Variants in ST8SIA1 observed in about 807,000 individuals in gnomAD.
ST8SIA1 encodes alpha-N-acetylneuraminide alpha-2,8-sialyltransferase.
ST8SIA1 carries 16 observed loss-of-function variants against 35.9 expected under a neutral mutation model. The ratio of observed to expected loss-of-function variants is 0.45; its 90% CI spans 0.30 to 0.68. The LOEUF is 0.68. Among genes scored for constraint, ST8SIA1 ranks in the 30% least tolerant of loss-of-function variants. The pLI is 0.09. For missense variants in ST8SIA1, 383 were observed against 453.6 expected (o/e 0.84, Z 1.41); for synonymous variants, 170 against 169.6 (o/e 1.00, Z -0.02).
At chr12:22,325,220 G>A in intron 1 of ST8SIA1, 3 of 530,940 alleles carry the variant, frequency 5.7e-6, no homozygotes, top group Non-Finnish European at 1.0e-5. Context: ...TACTATATAT[G>A]TTTATTTTAT....
chr12:22,245,804 C>T (rs773584306), intron 4 of ST8SIA1, among the ~76,000 whole-genome samples: 1 of 152,158 alleles, frequency 6.6e-6, no homozygotes, highest in Non-Finnish European at 1.5e-5. Flanking sequence ...AAAAGGGTTA[C>T]AGGTTAAGTT....
At chr12:22,218,592 T>G (rs922526142) in intron 4 of ST8SIA1, among the ~76,000 whole-genome samples, 8 of 91,820 alleles carry the variant, frequency 8.7e-5, no homozygotes, top group African/African-American at 2.2e-4. Flanking sequence ...CACTCCAGTC[T>G]GGGTGACAAA....
intron 4 of ST8SIA1, among the ~76,000 whole-genome samples, chr12:22,218,246 C>T (rs1865255857): frequency 6.6e-6 from 1 of 151,952 alleles, no homozygotes; most frequent in African/African-American, 2.4e-5. Flanking sequence ...ATTGCTTGAA[C>T]CTGGGAGGCA....
chr12:22,256,180 G>A (rs1865726514), intron 2 of ST8SIA1, among the ~76,000 whole-genome samples: 1 of 152,204 alleles, frequency 6.6e-6, no homozygotes, highest in African/African-American at 2.4e-5. Flanking sequence ...TGAACACTCT[G>A]GGTGGGTCTG....
At position 22,198,687 on chromosome 12, in the gene ST8SIA1, A is replaced by G. The variant is rs985944285; in HGVS notation, c.*2865T>C. ...CATATTTTGAATGCTGTGAGCATGTATATCTATCTTTAAGTGAAGACAAGG... is the reference window on the plus strand; with the variant it reads ...CATATTTTGAATGCTGTGAGCATGTGTATCTATCTTTAAGTGAAGACAAGG... On this transcript the variant is annotated 3_prime_UTR_variant, in exon 5 of 5. Coordinates refer to ENST00000396037, the MANE Select transcript of ST8SIA1 (RefSeq NM_003034.4). 6.6e-6 allele frequency: 1 copy of G among 152,124 alleles called. No homozygotes were observed. The highest frequency in any genetic ancestry group is 2.4e-5 in the African/African-American group (1 of 41,428). The allele number at this position is 152,124 out of a possible 1,614,324, so 9.4% of individuals were successfully genotyped here.
At chr12:22,244,448 G>A (rs554326372) in intron 4 of ST8SIA1, among the ~76,000 whole-genome samples, 6 of 151,974 alleles carry the variant, frequency 3.9e-5, no homozygotes, top group African/African-American at 1.4e-4. Flanking sequence ...ATTGTTAGTT[G>A]GTTTTATTTT....
At chr12:22,219,207 A>G (rs1865268902) in intron 4 of ST8SIA1, among the ~76,000 whole-genome samples, 1 of 152,186 alleles carries the variant, frequency 6.6e-6, no homozygotes, top group Non-Finnish European at 1.5e-5. Context: ...ATTTTATTAA[A>G]AGTTCTTGCC....
intron 4 of ST8SIA1, among the ~76,000 whole-genome samples, chr12:22,227,063 G>A (rs776479144): frequency 1.1e-4 from 16 of 151,676 alleles, no homozygotes; most frequent in East Asian, 7.9e-4. Context: ...CTCCTGTCTC[G>A]GCCTCCCAAG....
chr12:22,246,588 C>A (rs76502168), intron 4 of ST8SIA1, among the ~76,000 whole-genome samples: 209 of 152,162 alleles, frequency 1.4e-3, no homozygotes, highest in African/African-American at 4.4e-3. Flanking sequence ...GCCAGACCCC[C>A]CAACCCTGGT....
intron 4 of ST8SIA1, among the ~76,000 whole-genome samples, chr12:22,232,640 T>G (rs753843412): frequency 6.6e-6 from 1 of 152,096 alleles, no homozygotes; most frequent in African/African-American, 2.4e-5. Flanking sequence ...GATATACATA[T>G]AGTATTTAAG....
At chr12:22,320,916 GGAAAGAAAGGAAGAAAGAAA>G (rs1866579298) in intron 1 of ST8SIA1, among the ~76,000 whole-genome samples, 1 of 117,600 alleles carries the variant, frequency 8.5e-6, no homozygotes, top group African/African-American at 3.3e-5. Flanking sequence ...AGAGAAGAAA[GGAAAGAAAGGAAGAAAGAAA>G]GAAAGAAAGA....
At chr12:22,289,477 T>TA (rs1019887943) in intron 1 of ST8SIA1, among the ~76,000 whole-genome samples, 14 of 152,028 alleles carry the variant, frequency 9.2e-5, no homozygotes, top group Middle Eastern at 3.4e-3. Context: ...TTCTCTGCCC[T>TA]AAAAAAAATG....
intron 4 of ST8SIA1, among the ~76,000 whole-genome samples, chr12:22,234,361 C>G (rs2120704859): frequency 6.6e-6 from 1 of 152,114 alleles, no homozygotes; most frequent in African/African-American, 2.4e-5. Context: ...TAGTCCTGTA[C>G]TAGTCTCTTC....
chr12:22,211,136 A>C (rs967159830), intron 4 of ST8SIA1, among the ~76,000 whole-genome samples: 24 of 152,230 alleles, frequency 1.6e-4, no homozygotes, highest in African/African-American at 5.5e-4. Context: ...TAATATTACA[A>C]AGGATACAGA....
intron 4 of ST8SIA1, among the ~76,000 whole-genome samples, chr12:22,230,635 T>A (rs891827524): frequency 1.3e-5 from 2 of 152,200 alleles, no homozygotes; most frequent in African/African-American, 4.8e-5. Context: ...AGTTAAAATG[T>A]AAAACCACAG....
chr12:22,326,180 C>T lies in ST8SIA1; in HGVS notation c.236+7817G>A, dbSNP rs538853804. Reference sequence around the variant, plus strand: ...AATTAGATTAACAAATCAGGGACCACGTTCTTGTATTCATCACTGTATTGC... The same window carrying T: ...AATTAGATTAACAAATCAGGGACCATGTTCTTGTATTCATCACTGTATTGC... On this transcript the variant is annotated intron_variant, in intron 1 of 4. Transcript: ENST00000396037. 6.8e-5 allele frequency: 23 copies of T among 336,646 alleles called. 1 individual carries two copies. Among genetic ancestry groups the T allele is most frequent in the African/African-American group, 3.9e-4 (18 of 46,646 alleles). The allele number at this position is 336,646 out of a possible 1,614,324, so 20.9% of individuals were successfully genotyped here. A position where few individuals can be genotyped will look rare whatever the true frequency, so the allele number is the denominator to read the frequency against.
chr12:22,315,940 G>A (rs548344879), intron 1 of ST8SIA1, among the ~76,000 whole-genome samples: 1 of 151,998 alleles, frequency 6.6e-6, no homozygotes, highest in South Asian at 2.1e-4. Context: ...GTTTACCTGT[G>A]TAACAAACCT....
chr12:22,299,120 A>G (rs905874802), intron 1 of ST8SIA1, among the ~76,000 whole-genome samples: 3 of 152,146 alleles, frequency 2.0e-5, no homozygotes, highest in Admixed American at 1.3e-4. Flanking sequence ...CAAACTTGTC[A>G]TAATTTAGAA....
intron 1 of ST8SIA1, among the ~76,000 whole-genome samples, chr12:22,297,117 T>C (rs779887841): frequency 9.9e-5 from 15 of 152,198 alleles, no homozygotes; most frequent in Non-Finnish European, 2.1e-4. Flanking sequence ...TTTTCTTTCT[T>C]GTTGTAATGA....
Sources: gnomAD v4.1 joint callset for allele counts (sites outside exome capture counted in the v4.1 genomes callset) on GRCh38, gnomAD v4.1.1 for gene constraint, MANE v1.5 for transcripts, NCBI Gene and HGNC (gene_info 2026-07-23, HGNC 2026-07-21) for gene names.